Variants in CEP290 observed in about 807,000 individuals in gnomAD.
CEP290 encodes the protein centrosomal protein 290.
In CEP290, 317 loss-of-function variants were observed where a neutral mutation model predicts 344.9. The observed-to-expected ratio is 0.92, with a 90% confidence interval of 0.84 to 1.01. The LOEUF (loss-of-function observed/expected upper bound fraction) is 1.01. Among genes scored for constraint, CEP290 ranks in the 50% least tolerant of loss-of-function variants. The pLI is 0.00. For synonymous variants in CEP290, 932 were observed against 895.8 expected, an observed-to-expected ratio of 1.04 and a Z score of -0.72; for missense variants, 2,754 against 2,761.4, an observed-to-expected ratio of 1.00 and a Z score of 0.06.
intron 43 of CEP290, among the ~76,000 whole-genome samples, chr12:88,069,060 A>G (rs751024768): frequency 9.2e-5 from 14 of 152,310 alleles, no homozygotes; most frequent in Admixed American, 2.6e-4. Context: ...TAATGATTTC[A>G]GATAATAATT....
At chr12:88,118,116 T>C (rs1398694217) in intron 17 of CEP290, among the ~76,000 whole-genome samples, 4 of 151,798 alleles carry the variant, frequency 2.6e-5, no homozygotes, top group Admixed American at 6.6e-5. Context: ...AAAGGGAAAA[T>C]GTTGAGTAAC....
chr12:88,132,889 C>T (rs1027080072), intron 6 of CEP290, among the ~76,000 whole-genome samples: 2 of 152,044 alleles, frequency 1.3e-5, no homozygotes, highest in African/African-American at 2.4e-5. Flanking sequence ...TCTCCCACCC[C>T]GACCCCTTGA....
intron 11 of CEP290, among the ~76,000 whole-genome samples, 179 bp from the exon 12 acceptor site, chr12:88,126,617 A>C (rs1037291920): frequency 6.6e-6 from 1 of 152,094 alleles, no homozygotes; most frequent in Non-Finnish European, 1.5e-5. Flanking sequence ...ATACAACCTG[A>C]AATTCAAATA....
chr12:88,111,720 G>A lies in CEP290; in HGVS notation c.2191C>T (p.Gln731Ter). ...TTTAAATTAGCTTTTGCCAACTGCTGTGAATAATTTATAGCCTCTTTCCGA... is the reference window on the plus strand; with the variant it reads ...TTTAAATTAGCTTTTGCCAACTGCTATGAATAATTTATAGCCTCTTTCCGA... ...ESRKEAINYS[Q>*]QLAKANLKID... Residue 731 changes from glutamine (Q) to a stop codon, truncating the protein, a stop_gained, in exon 21 of 54, where the codon CAG (glutamine) becomes TAG (stop). Transcript: ENST00000552810. LOFTEE classifies it high-confidence loss of function. The A allele has an allele frequency of 1.3e-6, 2 of 1,594,874 alleles. No homozygotes were observed. The highest frequency in any genetic ancestry group is 1.4e-5 in the African/African-American group (1 of 73,844).
intron 11 of CEP290, among the ~76,000 whole-genome samples, chr12:88,128,228 T>C (rs1178923872): frequency 6.6e-6 from 1 of 152,182 alleles, no homozygotes; most frequent in Non-Finnish European, 1.5e-5. Flanking sequence ...ACTGATTCTA[T>C]AGGCCTTATT....
At chr12:88,119,315 T>G (rs2039261009) in intron 15 of CEP290, among the ~76,000 whole-genome samples, 1 of 152,190 alleles carries the variant, frequency 6.6e-6, no homozygotes, top group African/African-American at 2.4e-5. Context: ...AGATATTTAT[T>G]TTCATTTTAA....
rs1413348538 is a variant in CEP290, at chr12:88,106,691, C to T, written c.2801G>A (p.Cys934Tyr). ...MEAEVCEKIGCLQRFKEMAIF... is the reference protein window; with the variant it reads ...MEAEVCEKIGYLQRFKEMAIF... The stretch of plus-strand genomic sequence containing the variant: ...CAGATGTACCTTAAATCTTTGCAAA[C>T]ACCCAATTTTTTCACAAACTTCAGC... The change falls in exon 25 of 54, where the codon TGT (cysteine) becomes TAT (tyrosine). Residue 934 changes from cysteine (C) to tyrosine (Y), a missense_variant. By Grantham distance (194) the Cys-to-Tyr change is radical. Coordinates refer to ENST00000552810, the MANE Select transcript of CEP290 (RefSeq NM_025114.4). 8 of 1,606,896 alleles carry T rather than the reference C, an allele frequency of 5.0e-6. No individual in the cohort carries two copies. The highest frequency in any genetic ancestry group is 1.7e-4 in the Middle Eastern group (1 of 6,040).
At chr12:88,085,520 T>C (rs2036514674) in intron 34 of CEP290, among the ~76,000 whole-genome samples, 1 of 152,110 alleles carries the variant, frequency 6.6e-6, no homozygotes, top group Non-Finnish European at 1.5e-5. Flanking sequence ...TTTATTTAGA[T>C]GAAAACTAAA....
At chr12:88,107,752 A>C (rs2137637396) in intron 23 of CEP290, among the ~76,000 whole-genome samples, 1 of 152,168 alleles carries the variant, frequency 6.6e-6, no homozygotes, top group South Asian at 2.1e-4. Flanking sequence ...AAATACAAAA[A>C]TTAGCCAGGC....
intron 13 of CEP290, among the ~76,000 whole-genome samples, chr12:88,124,762 A>G (rs1255892706): frequency 6.6e-6 from 1 of 152,132 alleles, no homozygotes; most frequent in Admixed American, 6.6e-5. Flanking sequence ...GAAATATAAC[A>G]ACACAGATAT....
chr12:88,063,718 T>G (rs2034666245), intron 45 of CEP290, among the ~76,000 whole-genome samples: 1 of 152,068 alleles, frequency 6.6e-6, no homozygotes, highest in African/African-American at 2.4e-5. Context: ...GACTTGTTTA[T>G]TGTCAGTCTT....
chr12:88,102,208 A>G (rs945732698), intron 26 of CEP290, among the ~76,000 whole-genome samples: 4 of 152,222 alleles, frequency 2.6e-5, no homozygotes, highest in Non-Finnish European at 5.9e-5. Flanking sequence ...GGTCTGGTCC[A>G]TATTCACAGA....
At position 88,086,372 on chromosome 12, in the gene CEP290, C is replaced by A; in HGVS notation, c.4302+19G>T. 4 of 1,556,082 alleles carry A rather than the reference C, an allele frequency of 2.6e-6. No homozygotes were observed. The highest frequency in any genetic ancestry group is 3.5e-6 in the Non-Finnish European group (4 of 1,146,230). ...CTAGACTATGCTACAGAGTAACAAACAAGATTAATCATTCATACCTTTTGT... is the reference window on the plus strand; with the variant it reads ...CTAGACTATGCTACAGAGTAACAAAAAAGATTAATCATTCATACCTTTTGT... On this transcript the variant is annotated intron_variant, in intron 33 of 53. Coordinates refer to ENST00000552810, the MANE Select transcript of CEP290 (RefSeq NM_025114.4).
At chr12:88,077,106 G>T in intron 41 of CEP290, 116 bp downstream of exon 41, 1 of 985,170 alleles carries the variant, frequency 1.0e-6, no homozygotes, top group East Asian at 2.8e-5. Context: ...AATTAATACA[G>T]AATTAATACA....
chr12:88,092,860 G>T, intron 28 of CEP290, 28 bp from the exon 29 acceptor site: 1 of 1,601,812 alleles, frequency 6.2e-7, no homozygotes, highest in South Asian at 1.1e-5. Flanking sequence ...AAAATGTTCA[G>T]ATACATCAAT....
chr12:88,141,194 C>T lies in CEP290; in HGVS notation c.102+12G>A. ...TAATGTATATATCTATTATTATTGACCAATTAAGCACCTTGGATAAGGAAA... is the reference window on the plus strand; with the variant it reads ...TAATGTATATATCTATTATTATTGATCAATTAAGCACCTTGGATAAGGAAA... On this transcript the variant is annotated intron_variant, in intron 2 of 53. Transcript: ENST00000552810. 1 of 1,572,172 alleles carries T rather than the reference C, an allele frequency of 6.4e-7. No individual in the cohort carries two copies. Among genetic ancestry groups the T allele is most frequent in the Non-Finnish European group, 8.7e-7 (1 of 1,154,234 alleles).
In CEP290 at chr12:88,130,683, T is replaced by G. The variant is rs114866189; in HGVS notation, c.496-118A>C. On this transcript the variant is annotated intron_variant, in intron 7 of 53. Transcript: ENST00000552810. ...TTTGGGAAAATGATGCATATTATCT[T>G]GAATAACCAAAGAAAGAATACTAAT... 558 of 684,190 alleles carry G rather than the reference T, an allele frequency of 8.2e-4. 5 individuals carry two copies. The African/African-American group carries it at 9.5e-3, about 12-fold the overall frequency. 42.4% of individuals were successfully genotyped at this position (684,190 alleles called of 1,614,324 possible).
Position 88,068,682 on chromosome 12 carries a change from T to G in CEP290, c.6012-37A>C, listed in dbSNP as rs779538777. On this transcript the variant is annotated intron_variant, in intron 43 of 53. Coordinates refer to ENST00000552810, the MANE Select transcript of CEP290 (RefSeq NM_025114.4). ...AATCACAGACTCTTTACTATTCACA[T>G]TTCATCTTTTTTCTGTTGTACTATA... The G allele has an allele frequency of 6.5e-6, 10 of 1,543,988 alleles. No homozygotes were observed. In the South Asian group the frequency reaches 1.3e-4, roughly 20 times the overall value.
In CEP290 at chr12:88,049,371, G is replaced by A; in HGVS notation, c.7253C>T (p.Pro2418Leu). ...KLKKELENFD[P>L]SFFEEIEDLK... ...ATCTTCAATTTCTTCAAAAAATGAA[G>A]GATCAAAATTTTCCAGTTCTTTTTT... The change falls in exon 54 of 54, where the codon CCT (proline) becomes CTT (leucine). Residue 2418 changes from proline to leucine, a missense_variant. By Grantham distance (98) the Pro-to-Leu change is moderately conservative. Coordinates refer to ENST00000552810, the MANE Select transcript of CEP290 (RefSeq NM_025114.4). The A allele has an allele frequency of 6.4e-7, 1 of 1,557,030 alleles. No homozygotes were observed. Among genetic ancestry groups the A allele is most frequent in the Non-Finnish European group, 8.8e-7 (1 of 1,140,946 alleles).
Sources: gnomAD v4.1 joint callset for allele counts (sites outside exome capture counted in the v4.1 genomes callset) on GRCh38, gnomAD v4.1.1 for gene constraint, MANE v1.5 for transcripts, NCBI Gene and HGNC (gene_info 2026-07-23, HGNC 2026-07-21) for gene names.